PCDH15: variants seen among roughly 807,000 people sequenced by gnomAD.
PCDH15 encodes the protein protocadherin-15.
In PCDH15, 129 loss-of-function variants were observed where a neutral mutation model predicts 178.5. The ratio of observed to expected loss-of-function variants is 0.72; its 90% CI spans 0.63 to 0.84. The LOEUF (loss-of-function observed/expected upper bound fraction) is 0.84. Among genes scored for constraint, PCDH15 ranks in the 40% least tolerant of loss-of-function variants. PCDH15 has a pLI of 0.00. For synonymous variants in PCDH15, 800 were observed against 732.0 expected, an observed-to-expected ratio of 1.09 and a Z score of -1.50; for missense variants, 2,230 against 2,099.9, an observed-to-expected ratio of 1.06 and a Z score of -1.21.
intron 2 of PCDH15, among the ~76,000 whole-genome samples, chr10:55,378,908 T>TCTCTCTCC (rs61280428): frequency 6.7e-6 from 1 of 148,796 alleles, no homozygotes; most frequent in African/African-American, 2.5e-5. Flanking sequence ...TCTCTCTCTC[T>TCTCTCTCC]CACATATGCC....
chr10:55,258,601 T>C (rs1402659495), intron 1 of PCDH15, among the ~76,000 whole-genome samples: 2 of 152,118 alleles, frequency 1.3e-5, no homozygotes, highest in African/African-American at 4.8e-5. Flanking sequence ...ATATGGAAGA[T>C]TCAGTGAGGT....
chr10:55,218,817 C>T (rs1392021710), intron 1 of PCDH15, among the ~76,000 whole-genome samples: 1 of 151,936 alleles, frequency 6.6e-6, no homozygotes. Context: ...CCCCATTTGA[C>T]CTCATTTCTG....
At chr10:53,820,982 T>C in intron 32 of PCDH15, 1 of 530,024 alleles carries the variant, frequency 1.9e-6, no homozygotes, top group Non-Finnish European at 2.4e-6. Context: ...TCATACTTTC[T>C]TTAAAAAGGA....
chr10:54,565,496 T>C (rs766432949), intron 2 of PCDH15, among the ~76,000 whole-genome samples: 9 of 152,132 alleles, frequency 5.9e-5, no homozygotes, highest in Admixed American at 1.3e-4. Flanking sequence ...AGGTTGAAAC[T>C]TTTTAAGTAG....
chr10:54,679,189 C>CAAA (rs10709982), intron 1 of PCDH15, among the ~76,000 whole-genome samples: 156 of 70,884 alleles, frequency 2.2e-3, no homozygotes, highest in East Asian at 4.2e-3. Flanking sequence ...GACTCCGTCT[C>CAAA]AAAAAAAAAA....
chr10:54,058,661 A>C (rs138678292), intron 18 of PCDH15, among the ~76,000 whole-genome samples: 1 of 150,986 alleles, frequency 6.6e-6, no homozygotes. Flanking sequence ...CATATCTGCT[A>C]TCTAACATTA....
At chr10:55,426,357 C>A (rs1353207898) in intron 2 of PCDH15, among the ~76,000 whole-genome samples, 2 of 152,056 alleles carry the variant, frequency 1.3e-5, no homozygotes, top group Non-Finnish European at 2.9e-5. Context: ...TGCTCTGGTG[C>A]CGGCAGGGGT....
rs991340732 is a variant in PCDH15 at position 54,080,226 on chromosome 10, GATT to G, written c.1998-805_1998-803del. 4.2e-4 allele frequency among the ~76,000 whole-genome samples: 64 copies of G among 152,116 alleles called. 1 individual carries two copies. Among genetic ancestry groups the G allele is most frequent in the African/African-American group, 1.4e-3 (60 of 41,554 alleles). ...TTAATTTAACTGATGTATAATGGGA[GATT>G]AACAGCACTTGGGAAAATTATTGCA... On this transcript the variant is annotated intron_variant, in intron 16 of 37. Transcript: ENST00000644397.
chr10:54,293,724 T>C (rs1242782910), intron 8 of PCDH15, among the ~76,000 whole-genome samples: 4 of 152,144 alleles, frequency 2.6e-5, no homozygotes, highest in Non-Finnish European at 5.9e-5. Context: ...AAAATGCTCA[T>C]CATCACTGGT....
intron 2 of PCDH15, among the ~76,000 whole-genome samples, chr10:54,612,213 C>T (rs1399861386): frequency 6.6e-6 from 1 of 151,762 alleles, no homozygotes; most frequent in African/African-American, 2.4e-5. Flanking sequence ...CAGAAATTCT[C>T]AGCTTAACAA....
chr10:54,343,415 G>A (rs1942631149), intron 6 of PCDH15, among the ~76,000 whole-genome samples: 1 of 151,912 alleles, frequency 6.6e-6, no homozygotes. Flanking sequence ...GTTTCCTGAG[G>A]CCTTCCCAGC....
intron 2 of PCDH15, among the ~76,000 whole-genome samples, chr10:54,986,344 G>GA (rs5785106): frequency 0.36 from 53,991 of 148,018 alleles, 11,745 homozygotes; most frequent in African/African-American, 0.61. Context: ...ACAGGATTGA[G>GA]AAAAAAAAAA....
At chr10:53,839,567 T>C (rs1192471834) in intron 29 of PCDH15, among the ~76,000 whole-genome samples, 5 of 152,138 alleles carry the variant, frequency 3.3e-5, no homozygotes, top group African/African-American at 9.7e-5. Flanking sequence ...ATTATGATTG[T>C]ATATCAATAT....
chr10:54,843,429 A>T (rs2133763428), intron 3 of PCDH15, among the ~76,000 whole-genome samples: 1 of 152,096 alleles, frequency 6.6e-6, no homozygotes, highest in South Asian at 2.1e-4. Flanking sequence ...ATGCATTTAT[A>T]ATTAGAAAAC....
chr10:54,719,061 A>G (rs1202531412), intron 1 of PCDH15, among the ~76,000 whole-genome samples: 1 of 152,132 alleles, frequency 6.6e-6, no homozygotes, highest in African/African-American at 2.4e-5. Context: ...GAAAAATTAA[A>G]AATATTGATT....
intron 2 of PCDH15, among the ~76,000 whole-genome samples, chr10:54,543,907 T>C (rs1029463187): frequency 6.6e-6 from 1 of 152,174 alleles, no homozygotes; most frequent in Admixed American, 6.5e-5. Flanking sequence ...CTAAGAGCAA[T>C]ACATAACATT....
At chr10:54,007,167 T>C (rs1211011250) in intron 20 of PCDH15, among the ~76,000 whole-genome samples, 1 of 152,218 alleles carries the variant, frequency 6.6e-6, no homozygotes, top group African/African-American at 2.4e-5. Flanking sequence ...TTCTATATTA[T>C]GTTACAACGC....
intron 17 of PCDH15, among the ~76,000 whole-genome samples, chr10:54,068,679 G>A (rs566180778): frequency 4.6e-4 from 70 of 152,112 alleles, no homozygotes; most frequent in African/African-American, 1.2e-3. Context: ...ATTAGAATAC[G>A]GGTCACTTTG....
At chr10:54,279,757 A>T (rs1338235111) in intron 8 of PCDH15, among the ~76,000 whole-genome samples, 1 of 151,750 alleles carries the variant, frequency 6.6e-6, no homozygotes, top group African/African-American at 2.4e-5. Flanking sequence ...AATTGCCTGG[A>T]ACTCACATCT....
Sources: allele counts gnomAD v4.1 joint callset (sites outside exome capture counted in the v4.1 genomes callset), GRCh38; gene constraint gnomAD v4.1.1; transcripts MANE v1.5; gene names NCBI Gene and HGNC (gene_info 2026-07-23, HGNC 2026-07-21).